The following MBOAT1 variants were observed in gnomAD, a reference collection of about 807,000 sequenced individuals.
MBOAT1 encodes the protein membrane bound glycerophospholipid O-acyltransferase 1, also known as membrane-bound glycerophospholipid O-acyltransferase 1.
A neutral mutation model predicts 64.4 loss-of-function variants in MBOAT1; 67 were observed. That is an observed-to-expected ratio of 1.04 (90% CI 0.85 to 1.27). MBOAT1 has a LOEUF of 1.27. MBOAT1 is among the 50% of genes most tolerant of loss of function. The pLI is 0.00. For missense variants in MBOAT1, 563 were observed against 604.6 expected (o/e 0.93, Z 0.72); for synonymous variants, 229 against 218.9 (o/e 1.05, Z -0.41).
At chr6:20,152,453 A>G (rs991732635) in intron 2 of MBOAT1, among the ~76,000 whole-genome samples, 171 bp downstream of exon 2, 4 of 152,014 alleles carry the variant, frequency 2.6e-5, no homozygotes, top group Non-Finnish European at 5.9e-5. Flanking sequence ...TCTTACAGTA[A>G]ATGGAGAGTC....
At chr6:20,149,634 TC>T (rs930277953) in intron 3 of MBOAT1, among the ~76,000 whole-genome samples, 1 of 152,090 alleles carries the variant, frequency 6.6e-6, no homozygotes, top group African/African-American at 2.4e-5. Flanking sequence ...AGTGACACTA[TC>T]CCCTTCAAGC....
At chr6:20,193,096 C>T (rs1175065532) in intron 1 of MBOAT1, among the ~76,000 whole-genome samples, 4 of 143,242 alleles carry the variant, frequency 2.8e-5, no homozygotes, top group Non-Finnish European at 6.0e-5. Flanking sequence ...AGCTCCGTCT[C>T]CCGGGTTCAC....
chr6:20,153,255 C>G (rs9356722), intron 1 of MBOAT1, among the ~76,000 whole-genome samples: 3 of 152,190 alleles, frequency 2.0e-5, no homozygotes, highest in African/African-American at 7.2e-5. Flanking sequence ...ACTATACCCT[C>G]GTGTGGTATA....
intron 11 of MBOAT1, 101 bp from the exon 12 acceptor site, chr6:20,109,850 C>T (rs906417129): frequency 4.7e-6 from 5 of 1,053,960 alleles, no homozygotes; most frequent in Non-Finnish European, 6.4e-6. Flanking sequence ...ACATGGGCTA[C>T]AGAAGATAAC....
In MBOAT1 at chr6:20,152,282, G is replaced by A. The variant is rs558389697; in HGVS notation, c.245+342C>T. ...GCGGAGGTCGCAGTGAGCCAAGATC[G>A]CGCCACTGCACTACAGCCTGGGCGA... On this transcript the variant is annotated intron_variant, in intron 2 of 12. Coordinates refer to ENST00000324607, the MANE Select transcript of MBOAT1 (RefSeq NM_001080480.3). Among the ~76,000 whole-genome samples the A allele has an allele frequency of 1.6e-4, 24 of 150,872 alleles. No individual in the cohort carries two copies. The East Asian group carries it at 2.7e-3, about 17-fold the overall frequency.
rs1450658332 is a variant in MBOAT1, at chr6:20,099,754, A to G, written c.*2532T>C. Among the ~76,000 whole-genome samples the G allele has an allele frequency of 6.6e-6, 1 of 152,222 alleles. No homozygotes were observed. Among genetic ancestry groups the G allele is most frequent in the Non-Finnish European group, 1.5e-5 (1 of 68,032 alleles). ...TTTTCAACTGAAAGCTCACATTCCA[A>G]TAAGTATTTATGAACTGCATCTTAT... On this transcript the variant is annotated 3_prime_UTR_variant, in exon 13 of 13. Coordinates refer to ENST00000324607, the MANE Select transcript of MBOAT1 (RefSeq NM_001080480.3).
chr6:20,151,782 C>T (rs1761499980), intron 2 of MBOAT1, among the ~76,000 whole-genome samples: 1 of 152,178 alleles, frequency 6.6e-6, no homozygotes, highest in African/African-American at 2.4e-5. Flanking sequence ...ATTTGCCCAG[C>T]TTACTCGTAG....
chr6:20,169,485 G>T (rs144057636), intron 1 of MBOAT1, among the ~76,000 whole-genome samples: 1 of 151,904 alleles, frequency 6.6e-6, no homozygotes, highest in Non-Finnish European at 1.5e-5. Context: ...GATTCTGCCT[G>T]GTCCCTAGGA....
chr6:20,168,869 A>G (rs922737306), intron 1 of MBOAT1, among the ~76,000 whole-genome samples: 4 of 151,210 alleles, frequency 2.6e-5, no homozygotes, highest in Non-Finnish European at 4.4e-5. Flanking sequence ...GTTGTTTCAT[A>G]TCACTAAGGA....
chr6:20,115,181 A>G (rs1760283061), intron 10 of MBOAT1, 107 bp downstream of exon 10: 7 of 804,066 alleles, frequency 8.7e-6, no homozygotes, highest in Admixed American at 1.9e-5. Flanking sequence ...ACAAAACAAG[A>G]GTGTCAGATG....
intron 1 of MBOAT1, 138 bp downstream of exon 1, chr6:20,211,998 A>ACACG (rs1457631832): frequency 2.9e-6 from 2 of 686,494 alleles, no homozygotes; most frequent in African/African-American, 3.6e-5. Context: ...ACACACACAC[A>ACACG]CACACAAAAA....
chr6:20,189,630 A>G (rs1309640804), intron 1 of MBOAT1, among the ~76,000 whole-genome samples: 6 of 152,236 alleles, frequency 3.9e-5, no homozygotes, highest in Admixed American at 1.3e-4. Flanking sequence ...ACAATAGATC[A>G]CTTGAACTTA....
intron 2 of MBOAT1, among the ~76,000 whole-genome samples, chr6:20,152,359 AAATAAATT>A (rs1333859908): frequency 9.5e-4 from 135 of 142,498 alleles, no homozygotes; most frequent in East Asian, 8.9e-3. Context: ...ATAAATAAAT[AAATAAATT>A]AATTAATTAA....
intron 1 of MBOAT1, among the ~76,000 whole-genome samples, chr6:20,202,462 CA>C (rs1284032872): frequency 6.6e-6 from 1 of 152,150 alleles, no homozygotes; most frequent in East Asian, 1.9e-4. Flanking sequence ...TTAAACTGTT[CA>C]AGGTGATTGT....
At chr6:20,154,257 C>A (rs1354885896) in intron 1 of MBOAT1, among the ~76,000 whole-genome samples, 1 of 152,166 alleles carries the variant, frequency 6.6e-6, no homozygotes. Flanking sequence ...GTTGGCCAGG[C>A]GCGGTGGCTC....
chr6:20,206,634 C>T (rs1325841507), intron 1 of MBOAT1, among the ~76,000 whole-genome samples: 1 of 152,196 alleles, frequency 6.6e-6, no homozygotes, highest in Non-Finnish European at 1.5e-5. Flanking sequence ...CCTCTTCCTG[C>T]TTTCAGAATC....
chr6:20,171,927 G>A (rs1421290895), intron 1 of MBOAT1, among the ~76,000 whole-genome samples: 1 of 152,020 alleles, frequency 6.6e-6, no homozygotes, highest in African/African-American at 2.4e-5. Context: ...CAGCTACTTG[G>A]GAAGCTGAGG....
rs750236388 is a variant in MBOAT1 at position 20,126,594 on chromosome 6, TC to T, written c.636del (p.Lys213SerfsTer5). On this transcript the variant is annotated frameshift_variant, in exon 7 of 13. Coordinates refer to ENST00000324607, the MANE Select transcript of MBOAT1 (RefSeq NM_001080480.3). LOFTEE classifies it high-confidence loss of function. ...TCCAGCAACTTCATGTGTATATGCT[TC>T]CCCTCAATGAAGGCTATGTAGTCCT... ...NFKDYIAFIE[G>X]KHIHMKLLEV... The T allele has an allele frequency of 1.2e-6, 2 of 1,614,006 alleles. No homozygotes were observed. Among genetic ancestry groups the T allele is most frequent in the South Asian group, 2.2e-5 (2 of 91,034 alleles).
At chr6:20,122,390 T>C (rs1413464944) in intron 8 of MBOAT1, among the ~76,000 whole-genome samples, 1 of 152,168 alleles carries the variant, frequency 6.6e-6, no homozygotes, top group Non-Finnish European at 1.5e-5. Flanking sequence ...GAGTATTGCC[T>C]GGTGGCTGTA....
Sources: gnomAD v4.1 joint callset for allele counts (sites outside exome capture counted in the v4.1 genomes callset) on GRCh38, gnomAD v4.1.1 for gene constraint, MANE v1.5 for transcripts, NCBI Gene and HGNC (gene_info 2026-07-23, HGNC 2026-07-21) for gene names.